MAGI2: variants seen among roughly 807,000 people sequenced by gnomAD.
MAGI2 encodes membrane-associated guanylate kinase, WW and PDZ domain-containing protein 2.
In MAGI2, 35 loss-of-function variants were observed where a neutral mutation model predicts 133.3. The ratio of observed to expected loss-of-function variants is 0.26; its 90% CI spans 0.20 to 0.35. MAGI2 has a LOEUF of 0.35. Ranked by LOEUF, MAGI2 falls within the 10% of genes least tolerant of loss-of-function variation. The pLI is 1.00. For synonymous variants in MAGI2, 729 were observed against 710.6 expected (o/e 1.03, Z -0.41); for missense variants, 1,636 against 1,863.4 (o/e 0.88, Z 2.25).
intron 6 of MAGI2, among the ~76,000 whole-genome samples, chr7:78,415,748 C>A (rs1243787505): frequency 6.6e-6 from 1 of 151,964 alleles, no homozygotes; most frequent in East Asian, 1.9e-4. Context: ...GGGGTTGGAG[C>A]CTATGAAGAA....
intron 1 of MAGI2, among the ~76,000 whole-genome samples, chr7:79,157,077 A>C (rs1187836859): frequency 6.6e-6 from 1 of 152,112 alleles, no homozygotes; most frequent in Non-Finnish European, 1.5e-5. Flanking sequence ...TAGTTCAAAG[A>C]TGCATTCTAA....
intron 2 of MAGI2, among the ~76,000 whole-genome samples, chr7:78,978,186 C>T (rs1033716343): frequency 3.3e-5 from 5 of 151,710 alleles, no homozygotes; most frequent in East Asian, 1.9e-4. Context: ...CCAATTGACT[C>T]GAAAACTTAT....
chr7:78,942,293 C>T (rs1235853111), intron 2 of MAGI2, among the ~76,000 whole-genome samples: 1 of 151,844 alleles, frequency 6.6e-6, no homozygotes, highest in African/African-American at 2.4e-5. Flanking sequence ...TTTTTTTAAA[C>T]TAAAATAGAA....
intron 6 of MAGI2, among the ~76,000 whole-genome samples, chr7:78,410,032 T>A (rs976947935): frequency 6.6e-6 from 1 of 151,962 alleles, no homozygotes; most frequent in East Asian, 1.9e-4. Flanking sequence ...GGAACATGGA[T>A]TCCATGCAAA....
chr7:78,033,348 C>G (rs1809799668), intron 21 of MAGI2, among the ~76,000 whole-genome samples: 1 of 151,786 alleles, frequency 6.6e-6, no homozygotes, highest in East Asian at 1.9e-4. Flanking sequence ...TGGTGGGTGT[C>G]TGTAGTCCCA....
chr7:78,528,368 T>C (rs1797161153), intron 3 of MAGI2, among the ~76,000 whole-genome samples: 1 of 152,274 alleles, frequency 6.6e-6, no homozygotes, highest in African/African-American at 2.4e-5. Flanking sequence ...TTTAGATGTA[T>C]ATTAATAGAA....
Position 78,557,726 on chromosome 7 carries a change from C to G in MAGI2, c.539-36081G>C, listed in dbSNP as rs147642496. On this transcript the variant is annotated intron_variant, in intron 3 of 21. Transcript: ENST00000354212. The stretch of plus-strand genomic sequence containing the variant: ...GGAACAAAAGTTTTCTTGTTACAGC[C>G]CTCCAAGGAACAAGCAGTAATAAAG... 3.2e-3 allele frequency among the ~76,000 whole-genome samples: 488 copies of G among 152,244 alleles called. 3 individuals carry two copies. The highest frequency in any genetic ancestry group is 0.011 in the African/African-American group (467 of 41,544).
At chr7:78,656,834 A>G (rs530147533) in intron 2 of MAGI2, among the ~76,000 whole-genome samples, 2 of 152,116 alleles carry the variant, frequency 1.3e-5, no homozygotes, top group Non-Finnish European at 2.9e-5. Context: ...TAAGTTTAAA[A>G]TTTATGATAT....
At chr7:79,189,851 T>A (rs976464791) in intron 1 of MAGI2, among the ~76,000 whole-genome samples, 2 of 151,822 alleles carry the variant, frequency 1.3e-5, no homozygotes, top group African/African-American at 2.4e-5. Context: ...TTTTCCAGAA[T>A]GTCCTATAGT....
chr7:78,518,790 T>C (rs1796252295), intron 4 of MAGI2: 1 of 152,146 alleles, frequency 6.6e-6, no homozygotes, highest in South Asian at 2.1e-4. Flanking sequence ...TGAAGTGCAG[T>C]GGCACCATCA....
At chr7:78,707,546 T>C (rs1427093289) in intron 2 of MAGI2, among the ~76,000 whole-genome samples, 1 of 152,126 alleles carries the variant, frequency 6.6e-6, no homozygotes, top group African/African-American at 2.4e-5. Flanking sequence ...AACATTATTA[T>C]TTCTCTACTT....
chr7:78,247,523 G>T (rs1451464702), intron 10 of MAGI2, among the ~76,000 whole-genome samples: 4 of 152,020 alleles, frequency 2.6e-5, no homozygotes, highest in Non-Finnish European at 5.9e-5. Context: ...AGATACAAGA[G>T]AATACAGATA....
intron 9 of MAGI2, among the ~76,000 whole-genome samples, chr7:78,263,570 C>G (rs1332834849): frequency 2.0e-5 from 3 of 151,348 alleles, no homozygotes; most frequent in African/African-American, 7.4e-5. Flanking sequence ...CCATTTTGAC[C>G]TCTAGGAATA....
At chr7:78,151,819 G>C (rs566266712) in intron 16 of MAGI2, among the ~76,000 whole-genome samples, 1 of 152,290 alleles carries the variant, frequency 6.6e-6, no homozygotes, top group Non-Finnish European at 1.5e-5. Context: ...ACCTTTGCGA[G>C]ATGAAACAGC....
chr7:78,577,532 C>T (rs1028238132), intron 3 of MAGI2, among the ~76,000 whole-genome samples: 2 of 152,068 alleles, frequency 1.3e-5, no homozygotes, highest in East Asian at 3.9e-4. Flanking sequence ...AGCAATAAAG[C>T]TGTTTATTTC....
At chr7:78,796,209 G>T (rs1787598499) in intron 2 of MAGI2, among the ~76,000 whole-genome samples, 1 of 152,042 alleles carries the variant, frequency 6.6e-6, no homozygotes, top group South Asian at 2.1e-4. Context: ...CCTACAGAAT[G>T]GGAGAAAATA....
intron 1 of MAGI2, among the ~76,000 whole-genome samples, chr7:79,239,387 T>C (rs1163778537): frequency 6.6e-6 from 1 of 152,202 alleles, no homozygotes; most frequent in African/African-American, 2.4e-5. Flanking sequence ...CAAAGTGTTA[T>C]GATTAATAGT....
At chr7:79,311,612 A>G (rs1424791239) in intron 1 of MAGI2, among the ~76,000 whole-genome samples, 1 of 151,976 alleles carries the variant, frequency 6.6e-6, no homozygotes, top group African/African-American at 2.4e-5. Flanking sequence ...ATGTTTCATC[A>G]GTTCTCATAA....
intron 2 of MAGI2, among the ~76,000 whole-genome samples, chr7:78,948,673 A>T (rs533975852): frequency 3.0e-4 from 46 of 152,292 alleles, no homozygotes; most frequent in Non-Finnish European, 5.0e-4. Flanking sequence ...AGAATCAATA[A>T]TAGAAAACTT....
Sources: gnomAD v4.1 joint callset for allele counts (sites outside exome capture counted in the v4.1 genomes callset) on GRCh38, gnomAD v4.1.1 for gene constraint, MANE v1.5 for transcripts, NCBI Gene and HGNC (gene_info 2026-07-23, HGNC 2026-07-21) for gene names.